DIAPH2: variants seen among roughly 807,000 people sequenced by gnomAD.
DIAPH2 encodes diaphanous related formin 2.
Under a neutral mutation model 92.7 loss-of-function variants are expected in DIAPH2, and 35 were observed. The ratio of observed to expected loss-of-function variants is 0.38; its 90% confidence interval spans 0.29 to 0.50. The LOEUF (loss-of-function observed/expected upper bound fraction) is 0.50. DIAPH2 is among the 20% of genes least tolerant of loss of function. The probability of loss-of-function intolerance (pLI) is 0.94; values close to 1 mark genes in which losing one functional copy is unlikely to be tolerated. For missense variants in DIAPH2, 701 were observed against 819.5 expected (o/e 0.86, Z 1.77); for synonymous variants, 301 against 280.4 (o/e 1.07, Z -0.73).
chrX:96,843,774 C>A (rs1018764320), intron 4 of DIAPH2, among the ~76,000 whole-genome samples: 3 of 112,166 alleles, frequency 2.7e-5, no homozygotes, highest in Non-Finnish European at 5.6e-5. Context: ...CCCTGCTCTC[C>A]CAGTATGCAT....
rs5903064 is a variant in DIAPH2, at chrX:97,047,542, C to CTTTTTTTTTTTTTTTTTTT, written c.2051-25390_2051-25372dup. ...AAAACAGCTTAAGGGATAAAATAGG[C>CTTTTTTTTTTTTTTTTTTT]TTTTTTTTTTTTTTTTTTTTTTTTT... On this transcript the variant is annotated intron_variant, in intron 17 of 26. Transcript: ENST00000324765. Among the ~76,000 whole-genome samples the CTTTTTTTTTTTTTTTTTTT allele has an allele frequency of 1.3e-4, 4 of 30,109 alleles. 1 individual carries two copies. Among genetic ancestry groups the CTTTTTTTTTTTTTTTTTTT allele is most frequent in the African/African-American group, 6.3e-4 (4 of 6,383 alleles). The allele number at this position is 30,109 out of a possible 115,157, so 26.1% of individuals were successfully genotyped here.
chrX:96,685,112 C>T lies in DIAPH2; in HGVS notation c.54C>T (p.Pro18=). ...GAGCGGGAGGCGGCAGCGAGGAACC[C>T]GGTGGGGGCCGGAGCAACAAGCGGA... The part of the protein sequence containing the change: ...ASGAGGGSEE[P]GGGRSNKRSA... Residue 18 remains proline, a synonymous_variant, in exon 1 of 27, where the codon CCC becomes CCT. Coordinates refer to ENST00000324765, the MANE Select transcript of DIAPH2 (RefSeq NM_006729.5). The T allele has an allele frequency of 9.9e-7, 1 of 1,013,098 alleles. No individual in the cohort carries two copies. The highest frequency in any genetic ancestry group is 1.3e-6 in the Non-Finnish European group (1 of 793,562). The allele number at this position is 1,013,098 out of a possible 1,213,427, so 83.5% of individuals were successfully genotyped here. A position where few individuals can be genotyped will look rare whatever the true frequency, so the allele number is the denominator to read the frequency against.
intron 23 of DIAPH2, among the ~76,000 whole-genome samples, chrX:97,261,699 G>T (rs1212245154): frequency 9.0e-6 from 1 of 110,842 alleles, no homozygotes; most frequent in African/African-American, 3.3e-5. Context: ...GAGCCACCAC[G>T]CCTGGCCTCA....
chrX:97,315,416 A>G (rs2068832291), intron 23 of DIAPH2, among the ~76,000 whole-genome samples: 1 of 111,909 alleles, frequency 8.9e-6, no homozygotes, highest in South Asian at 3.7e-4. Flanking sequence ...CTGGAGATTA[A>G]TGAGTGGATG....
intron 26 of DIAPH2, among the ~76,000 whole-genome samples, chrX:97,475,547 G>A (rs758608575): frequency 8.9e-6 from 1 of 111,888 alleles, no homozygotes; most frequent in South Asian, 3.8e-4. Flanking sequence ...GACAGCTTGA[G>A]CAATTGCCTT....
chrX:97,201,141 C>CA (rs1556000972), intron 22 of DIAPH2, among the ~76,000 whole-genome samples: 33 of 92,295 alleles, frequency 3.6e-4, no homozygotes, highest in South Asian at 2.0e-3. Context: ...ACCCCCCCCC[C>CA]AAAAAAAACC....
intron 17 of DIAPH2, among the ~76,000 whole-genome samples, chrX:97,022,132 T>A (rs2066302549): frequency 8.9e-6 from 1 of 112,165 alleles, no homozygotes. Flanking sequence ...AGCTCTGTAC[T>A]TTCTAGCCCT....
intron 26 of DIAPH2, among the ~76,000 whole-genome samples, chrX:97,562,635 T>C (rs934118138): frequency 3.6e-5 from 4 of 111,936 alleles, no homozygotes; most frequent in African/African-American, 1.3e-4. Flanking sequence ...GAGTCCAAAT[T>C]TGGTGTTCTC....
chrX:96,990,118 G>A (rs2066059084), intron 17 of DIAPH2, among the ~76,000 whole-genome samples: 1 of 112,067 alleles, frequency 8.9e-6, no homozygotes, highest in Non-Finnish European at 1.9e-5. Context: ...TCCTTATTCT[G>A]AGAGTTTAGC....
At position 97,001,671 on chromosome X, in the gene DIAPH2, C is replaced by T. The variant is rs779469265; in HGVS notation, c.2050+36464C>T. On this transcript the variant is annotated intron_variant, in intron 17 of 26. Coordinates refer to ENST00000324765, the MANE Select transcript of DIAPH2 (RefSeq NM_006729.5). ...AAAAACAAAACAAAACAAAACAAAACAATAAAACACAAAGCCAAGTGTATT... is the reference window on the plus strand; with the variant it reads ...AAAAACAAAACAAAACAAAACAAAATAATAAAACACAAAGCCAAGTGTATT... Among the ~76,000 whole-genome samples the T allele has an allele frequency of 3.6e-5, 4 of 111,154 alleles. 1 individual carries two copies. The highest frequency in any genetic ancestry group is 7.6e-5 in the Non-Finnish European group (4 of 52,956).
intron 23 of DIAPH2, among the ~76,000 whole-genome samples, chrX:97,267,895 G>T (rs967767555): frequency 1.8e-5 from 2 of 111,642 alleles, no homozygotes; most frequent in African/African-American, 6.5e-5. Context: ...CTCATGAATA[G>T]TTTTGTCACC....
At chrX:97,273,884 A>G (rs1342845617) in intron 23 of DIAPH2, among the ~76,000 whole-genome samples, 1 of 111,573 alleles carries the variant, frequency 9.0e-6, no homozygotes, top group African/African-American at 3.3e-5. Context: ...ATAATTTTAT[A>G]TATTTACTCT....
chrX:97,106,429 T>C (rs747927465), intron 20 of DIAPH2, among the ~76,000 whole-genome samples: 1 of 111,802 alleles, frequency 8.9e-6, no homozygotes, highest in Non-Finnish European at 1.9e-5. Flanking sequence ...TTATAATCAT[T>C]TTTTTGTGAC....
At chrX:97,232,049 C>T (rs1358897822) in intron 22 of DIAPH2, among the ~76,000 whole-genome samples, 1 of 111,062 alleles carries the variant, frequency 9.0e-6, no homozygotes, top group Non-Finnish European at 1.9e-5. Context: ...GAGTTATTCT[C>T]TCCATTTCAG....
chrX:97,472,003 C>A (rs2070568291), intron 26 of DIAPH2, among the ~76,000 whole-genome samples: 1 of 111,959 alleles, frequency 8.9e-6, no homozygotes, highest in South Asian at 3.7e-4. Context: ...CACTTAGGGG[C>A]TCATGCAAAA....
intron 16 of DIAPH2, 96 bp downstream of exon 16, chrX:96,958,244 C>A: frequency 1.1e-6 from 1 of 951,059 alleles, no homozygotes; most frequent in African/African-American, 2.0e-5. Flanking sequence ...TGACTGCTGA[C>A]TCTTTCCGTT....
At chrX:96,845,766 A>G (rs1470212923) in intron 4 of DIAPH2, among the ~76,000 whole-genome samples, 1 of 111,799 alleles carries the variant, frequency 8.9e-6, no homozygotes, top group Non-Finnish European at 1.9e-5. Context: ...CAAAAACACC[A>G]TTTATAGTTG....
chrX:97,422,718 A>G (rs1842415369), intron 25 of DIAPH2, among the ~76,000 whole-genome samples: 1 of 112,215 alleles, frequency 8.9e-6, no homozygotes, highest in African/African-American at 3.2e-5. Context: ...ATAAACTGGA[A>G]TACAGTCTTA....
chrX:96,751,582 A>G (rs2064188576), intron 3 of DIAPH2, among the ~76,000 whole-genome samples: 2 of 87,495 alleles, frequency 2.3e-5, no homozygotes, highest in Admixed American at 1.5e-4. Context: ...TCTCAAAAAA[A>G]ATAATAATAA....
Sources: allele counts gnomAD v4.1 joint callset (sites outside exome capture counted in the v4.1 genomes callset), GRCh38; gene constraint gnomAD v4.1.1; transcripts MANE v1.5; gene names NCBI Gene and HGNC (gene_info 2026-07-23, HGNC 2026-07-21).